ARB2A: variants seen among roughly 807,000 people sequenced by gnomAD.
ARB2A encodes ARB2 cotranscriptional regulator A.
the ARB2A span, among the ~76,000 whole-genome samples, chr5:94,105,481 G>A: frequency 2.0e-5 from 3 of 151,240 alleles, no homozygotes; most frequent in South Asian, 2.1e-4. Context: ...TGAAGAAATC[G>A]GAAACAACAC....
the ARB2A span, among the ~76,000 whole-genome samples, chr5:93,842,397 A>G: frequency 0.91 from 138,857 of 152,270 alleles, 63,666 homozygotes; most frequent in East Asian, 1. Context: ...TTAAGAAAAA[A>G]TTTGTTGATC....
At chr5:93,638,396 A>T in the ARB2A span, among the ~76,000 whole-genome samples, 10 of 152,236 alleles carry the variant, frequency 6.6e-5, no homozygotes, top group African/African-American at 2.4e-4. Flanking sequence ...GAAAATTGAC[A>T]TCTTTATTAT....
the ARB2A span, among the ~76,000 whole-genome samples, chr5:93,911,878 T>C: frequency 6.6e-6 from 1 of 151,760 alleles, no homozygotes; most frequent in African/African-American, 2.4e-5. Flanking sequence ...CTTACATGCA[T>C]CTGACAACTT....
chr5:93,770,689 A>G, the ARB2A span, among the ~76,000 whole-genome samples: 1 of 152,156 alleles, frequency 6.6e-6, no homozygotes, highest in Non-Finnish European at 1.5e-5. Flanking sequence ...ATCATGAGTG[A>G]ACTCCCATTC....
At chr5:93,830,463 A>G in the ARB2A span, among the ~76,000 whole-genome samples, 85 of 151,566 alleles carry the variant, frequency 5.6e-4, no homozygotes, top group Non-Finnish European at 8.1e-4. Context: ...AGGTATTAAC[A>G]CATAAAGACT....
At chr5:93,949,277 C>G in the ARB2A span, among the ~76,000 whole-genome samples, 12 of 151,784 alleles carry the variant, frequency 7.9e-5, no homozygotes, top group African/African-American at 2.7e-4. Flanking sequence ...GGCCCACACC[C>G]GATGTAATTA....
At chr5:93,650,127 C>A in the ARB2A span, among the ~76,000 whole-genome samples, 1 of 148,044 alleles carries the variant, frequency 6.8e-6, no homozygotes, top group Non-Finnish European at 1.5e-5. Flanking sequence ...TCCTACTGTT[C>A]AGAAATAACA....
the ARB2A span, among the ~76,000 whole-genome samples, chr5:93,957,877 T>C: frequency 2.0e-5 from 3 of 151,958 alleles, no homozygotes; most frequent in Admixed American, 6.6e-5. Flanking sequence ...AAAGCCTACA[T>C]GGACACATAT....
At chr5:93,924,151 G>A in the ARB2A span, among the ~76,000 whole-genome samples, 1 of 152,084 alleles carries the variant, frequency 6.6e-6, no homozygotes, top group South Asian at 2.1e-4. Flanking sequence ...TATTCTACTT[G>A]TAGCTACACG....
chr5:93,828,146 G>A, the ARB2A span, among the ~76,000 whole-genome samples: 1 of 152,146 alleles, frequency 6.6e-6, no homozygotes, highest in Non-Finnish European at 1.5e-5. Context: ...TTGGTAGCTT[G>A]ATGGGGATGG....
chr5:94,102,710 T>C, the ARB2A span, among the ~76,000 whole-genome samples: 1 of 151,930 alleles, frequency 6.6e-6, no homozygotes, highest in South Asian at 2.1e-4. Context: ...TGAAGACAAA[T>C]AGTCTTCAGA....
the ARB2A span, among the ~76,000 whole-genome samples, chr5:93,781,209 G>A: frequency 1.3e-5 from 2 of 151,890 alleles, no homozygotes; most frequent in South Asian, 2.1e-4. Context: ...ATTCTACTTT[G>A]TATGTCCATA....
the ARB2A span, among the ~76,000 whole-genome samples, chr5:93,901,857 G>A: frequency 5.9e-5 from 9 of 151,954 alleles, no homozygotes; most frequent in Admixed American, 5.3e-4. Context: ...GACTTTTGAC[G>A]GTTAACAAGA....
chr5:93,828,974 G>A, the ARB2A span, among the ~76,000 whole-genome samples: 3 of 152,040 alleles, frequency 2.0e-5, no homozygotes, highest in South Asian at 2.1e-4. Flanking sequence ...ATGGGGTTTC[G>A]CCATGTTGGC....
At chr5:93,881,536 T>G in the ARB2A span, 1 of 1,611,224 alleles carries the variant, frequency 6.2e-7, no homozygotes, top group Non-Finnish European at 8.5e-7. Context: ...AGAAATCACG[T>G]CGCTTCTTTG....
the ARB2A span, among the ~76,000 whole-genome samples, chr5:93,985,442 C>T: frequency 1.8e-4 from 28 of 152,070 alleles, 1 homozygote; most frequent in East Asian, 3.7e-3. Context: ...TCCCTCTTCT[C>T]CATCTCCCGC....
the ARB2A span, among the ~76,000 whole-genome samples, chr5:94,027,427 A>G: frequency 6.6e-6 from 1 of 152,204 alleles, no homozygotes; most frequent in Non-Finnish European, 1.5e-5. Context: ...GCTGAAGGAT[A>G]AGTTGATCAT....
At chr5:93,872,736 T>C in the ARB2A span, among the ~76,000 whole-genome samples, 1 of 151,898 alleles carries the variant, frequency 6.6e-6, no homozygotes, top group South Asian at 2.1e-4. Flanking sequence ...GCTAACACAG[T>C]GATACCCCGT....
chr5:93,819,623 T>C, the ARB2A span, among the ~76,000 whole-genome samples: 1 of 152,258 alleles, frequency 6.6e-6, no homozygotes, highest in Non-Finnish European at 1.5e-5. Context: ...CAATATCCAA[T>C]TTACTTTGTT....
Sources: allele counts gnomAD v4.1 joint callset (sites outside exome capture counted in the v4.1 genomes callset), GRCh38; gene constraint gnomAD v4.1.1; transcripts MANE v1.5; gene names NCBI Gene and HGNC (gene_info 2026-07-23, HGNC 2026-07-21).